Variants in OTOP3 observed in about 807,000 individuals in gnomAD.
OTOP3 encodes proton channel OTOP3.
OTOP3 carries 41 observed loss-of-function variants against 50.8 expected under a neutral mutation model. The ratio of observed to expected loss-of-function variants is 0.81; its 90% CI spans 0.63 to 1.05. The LOEUF (loss-of-function observed/expected upper bound fraction) is 1.05. Ranked by LOEUF, OTOP3 falls within the 50% of genes least tolerant of loss-of-function variation. The pLI is 0.00. For missense variants in OTOP3, 788 were observed against 760.8 expected (o/e 1.04, Z -0.42); for synonymous variants, 320 against 324.4 (o/e 0.99, Z 0.14).
chr17:74,946,788 G>T lies in OTOP3; in HGVS notation c.879G>T (p.Met293Ile). 1.9e-6 allele frequency: 3 copies of T among 1,612,452 alleles called. No homozygotes were observed. Among genetic ancestry groups the T allele is most frequent in the Non-Finnish European group, 2.5e-6 (3 of 1,180,030 alleles). ...TCTGCTGTGCTGTGCTGTTTGTCATGTGGAAGAACGTGGGCCGCCACGTGG... is the reference window on the plus strand; with the variant it reads ...TCTGCTGTGCTGTGCTGTTTGTCATTTGGAAGAACGTGGGCCGCCACGTGG... The part of the protein sequence containing the change: ...CLICCAVLFV[M>I]WKNVGRHVAP... Residue 293 changes from methionine to isoleucine, a missense_variant, in exon 6 of 7, where the codon ATG (methionine) becomes ATT (isoleucine). Physicochemically the swap from Met to Ile is conservative, Grantham distance 10 (BLOSUM62 1). Coordinates refer to ENST00000328801, the MANE Select transcript of OTOP3 (RefSeq NM_001272005.2).
chr17:74,945,774 G>T (rs1332080053), intron 5 of OTOP3, among the ~76,000 whole-genome samples: 1 of 151,994 alleles, frequency 6.6e-6, no homozygotes, highest in Non-Finnish European at 1.5e-5. Context: ...ATCATGTGAG[G>T]GTTCTTGGGG....
intron 3 of OTOP3, among the ~76,000 whole-genome samples, chr17:74,943,010 T>G (rs932879449): frequency 8.5e-5 from 13 of 152,230 alleles, no homozygotes; most frequent in South Asian, 8.3e-4. Context: ...GGCATTGTGT[T>G]GGGTGCTTCG....
At chr17:74,936,975 T>C (rs1345786354) in intron 1 of OTOP3, among the ~76,000 whole-genome samples, 3 of 143,888 alleles carry the variant, frequency 2.1e-5, no homozygotes, top group African/African-American at 7.7e-5. Flanking sequence ...TTTTTTTTTT[T>C]TTTTTGAGAC....
intron 1 of OTOP3, among the ~76,000 whole-genome samples, 169 bp downstream of exon 1, chr17:74,936,109 T>G (rs1224782267): frequency 1.3e-5 from 2 of 152,132 alleles, no homozygotes; most frequent in African/African-American, 4.8e-5. Context: ...GGCCGGCCCC[T>G]CCACCCGCCC....
At chr17:74,936,031 G>C in intron 1 of OTOP3, 91 bp downstream of exon 1, 1 of 1,518,454 alleles carries the variant, frequency 6.6e-7, no homozygotes, top group Non-Finnish European at 8.8e-7. Context: ...GGGTTCACAA[G>C]TAGGGGCTGC....
chr17:74,947,477 T>G lies in OTOP3; in HGVS notation c.1566+2T>G. ...TTCCTCATCCTCTGCAATATCACAG[T>G]AAGTGGCTGGGCTAAGGGGCCTGGA... On this transcript the variant is annotated splice_donor_variant, in intron 6 of 6. Coordinates refer to ENST00000328801, the MANE Select transcript of OTOP3 (RefSeq NM_001272005.2). LOFTEE classifies it high-confidence loss of function. 1.3e-6 allele frequency: 2 copies of G among 1,590,898 alleles called. No individual in the cohort carries two copies. Among genetic ancestry groups the G allele is most frequent in the South Asian group, 2.3e-5 (2 of 88,084 alleles).
Position 74,949,453 on chromosome 17 carries a change from G to T in OTOP3, c.*37G>T. 2 of 1,604,964 alleles carry T rather than the reference G, an allele frequency of 1.2e-6. No individual in the cohort carries two copies. Among genetic ancestry groups the T allele is most frequent in the Non-Finnish European group, 1.7e-6 (2 of 1,175,706 alleles). ...CCCGGCAGAACCTCGAAGTGCCAAGGTGGGGAAGATGGTAGCCCAGAGTCT... is the reference window on the plus strand; with the variant it reads ...CCCGGCAGAACCTCGAAGTGCCAAGTTGGGGAAGATGGTAGCCCAGAGTCT... On this transcript the variant is annotated 3_prime_UTR_variant, in exon 7 of 7. Coordinates refer to ENST00000328801, the MANE Select transcript of OTOP3 (RefSeq NM_001272005.2).
chr17:74,935,933 G>T lies in OTOP3; in HGVS notation c.12G>T (p.Pro4=), dbSNP rs915766874. MPL[P]ASAPAEATPM... ...GTTAGCCCACGGCGATGCCTCTCCC[G>T]GCCTCAGGTAAGCCCGGAGCGCCGG... is the stretch of plus-strand genomic sequence containing the variant. The change falls in exon 1 of 7, where the codon CCG becomes CCT. Residue 4 remains proline (P), a synonymous_variant. Coordinates refer to ENST00000328801, the MANE Select transcript of OTOP3 (RefSeq NM_001272005.2). The T allele has an allele frequency of 1.9e-6, 3 of 1,544,336 alleles. No homozygotes were observed. Among genetic ancestry groups the T allele is most frequent in the South Asian group, 1.2e-5 (1 of 84,062 alleles).
At chr17:74,943,758 A>G in intron 5 of OTOP3, 34 bp downstream of exon 5, 1 of 1,309,418 alleles carries the variant, frequency 7.6e-7, no homozygotes, top group Non-Finnish European at 1.1e-6. Context: ...CCTTGCCCTG[A>G]AACACACACA....
At chr17:74,936,948 T>C (rs940163829) in intron 1 of OTOP3, among the ~76,000 whole-genome samples, 4 of 79,818 alleles carry the variant, frequency 5.0e-5, no homozygotes, top group African/African-American at 1.6e-4. Flanking sequence ...TCGGCATTCA[T>C]CACCCCCCCA....
At chr17:74,944,187 C>G (rs2039204448) in intron 5 of OTOP3, among the ~76,000 whole-genome samples, 1 of 152,170 alleles carries the variant, frequency 6.6e-6, no homozygotes, top group South Asian at 2.1e-4. Context: ...TGCCTCACCT[C>G]CTATCCTAGA....
In OTOP3 at chr17:74,946,780, T is replaced by C; in HGVS notation, c.871T>C (p.Phe291Leu). Residue 291 changes from phenylalanine (F) to leucine (L), a missense_variant, in exon 6 of 7, where the codon TTT (phenylalanine) becomes CTT (leucine). By Grantham distance (22) the Phe-to-Leu change is conservative. Coordinates refer to ENST00000328801, the MANE Select transcript of OTOP3 (RefSeq NM_001272005.2). ...CTGCCTCATCTGCTGTGCTGTGCTG[T>C]TTGTCATGTGGAAGAACGTGGGCCG... is the stretch of plus-strand genomic sequence containing the variant. ...EYCLICCAVLFVMWKNVGRHV... is the reference protein window; with the variant it reads ...EYCLICCAVLLVMWKNVGRHV... The C allele has an allele frequency of 6.2e-7, 1 of 1,612,874 alleles. No individual in the cohort carries two copies. The highest frequency in any genetic ancestry group is 1.1e-5 in the South Asian group (1 of 91,084).
intron 3 of OTOP3, among the ~76,000 whole-genome samples, chr17:74,942,910 A>T (rs1304772063): frequency 2.0e-5 from 3 of 148,352 alleles, no homozygotes; most frequent in African/African-American, 7.5e-5. Context: ...GCGCCACTGC[A>T]CTCCAGCCTG....
chr17:74,941,276 ACC>A, intron 1 of OTOP3, 115 bp from the exon 2 acceptor site: 1 of 855,382 alleles, frequency 1.2e-6, no homozygotes, highest in Non-Finnish European at 1.5e-6. Context: ...CAATGTCCCA[ACC>A]ACCCAACCAG....
rs1167299229 is a variant in OTOP3 at position 74,938,811 on chromosome 17, T to C, written c.20-2582T>C. Among the ~76,000 whole-genome samples, 5 of 152,020 alleles carry C rather than the reference T, an allele frequency of 3.3e-5. No individual in the cohort carries two copies. The South Asian group carries it at 6.2e-4, about 19-fold the overall frequency. On this transcript the variant is annotated intron_variant, in intron 1 of 6. Coordinates refer to ENST00000328801, the MANE Select transcript of OTOP3 (RefSeq NM_001272005.2). ...GACTTTAAGTAGGGGAGAGGCACTC[T>C]GGGCAAGAAGACCAGTCCAAGAGAG...
chr17:74,941,744 G>A lies in OTOP3; in HGVS notation c.371G>A (p.Ser124Asn), dbSNP rs1446537253. ...SLLWLLYYVA[S>N]TTRRPHAVLY... is the part of the protein sequence containing the mutation. ...CTTTGGCTTCTCTACTATGTGGCAAGCACCACCCGCCGACCACACGCCGTG... is the reference window on the plus strand; with the variant it reads ...CTTTGGCTTCTCTACTATGTGGCAAACACCACCCGCCGACCACACGCCGTG... Residue 124 changes from serine (S) to asparagine (N), a missense_variant, in exon 2 of 7, where the codon AGC becomes AAC. Physicochemically the swap from Ser to Asn is conservative, Grantham distance 46 (BLOSUM62 1). Coordinates refer to ENST00000328801, the MANE Select transcript of OTOP3 (RefSeq NM_001272005.2). The A allele has an allele frequency of 6.2e-7, 1 of 1,613,494 alleles. No individual in the cohort carries two copies.
At position 74,941,696 on chromosome 17, in the gene OTOP3, C is replaced by A; in HGVS notation, c.323C>A (p.Ala108Asp). ...CTGGGTGACGTGTGGATCCTGCTGG[C>A]CACGCTGAAGGTCCTCTCCCTGCTT... is the stretch of plus-strand genomic sequence containing the variant. ...VTLGDVWILL[A>D]TLKVLSLLWL... The change falls in exon 2 of 7, where the codon GCC becomes GAC. Residue 108 changes from alanine (A) to aspartate (D), a missense_variant. Physicochemically the swap from Ala to Asp is moderately radical, Grantham distance 126. Coordinates refer to ENST00000328801, the MANE Select transcript of OTOP3 (RefSeq NM_001272005.2). 5.0e-6 allele frequency: 8 copies of A among 1,614,042 alleles called. No individual in the cohort carries two copies. Among genetic ancestry groups the A allele is most frequent in the South Asian group, 1.1e-5 (1 of 91,076 alleles).
chr17:74,941,566 G>T lies in OTOP3; in HGVS notation c.193G>T (p.Ala65Ser). 1.2e-6 allele frequency: 2 copies of T among 1,611,650 alleles called. No individual in the cohort carries two copies. The highest frequency in any genetic ancestry group is 1.3e-5 in the African/African-American group (1 of 75,020). ...TCTGCTGCTGCGGCGGGACCGGCAGGCCCAGAAGGCTGGACAACTCTTCTC... is the reference window on the plus strand; with the variant it reads ...TCTGCTGCTGCGGCGGGACCGGCAGTCCCAGAAGGCTGGACAACTCTTCTC... Reference protein sequence around the residue: ...FSLLLRRDRQAQKAGQLFSGL... With the variant: ...FSLLLRRDRQSQKAGQLFSGL... Residue 65 changes from alanine to serine, a missense_variant, in exon 2 of 7, where the codon GCC (alanine) becomes TCC (serine). Transcript: ENST00000328801.
intron 1 of OTOP3, 58 bp downstream of exon 1, chr17:74,935,998 TACTACCCACCCCCCC>T (rs1351410584): frequency 1.3e-6 from 2 of 1,534,840 alleles, no homozygotes; most frequent in Non-Finnish European, 1.7e-6. Flanking sequence ...CACTGGCACA[TACTACCCACCCCCCC>T]AAAAGGGGGG....
Sources: gnomAD v4.1 joint callset for allele counts (sites outside exome capture counted in the v4.1 genomes callset) on GRCh38, gnomAD v4.1.1 for gene constraint, MANE v1.5 for transcripts, NCBI Gene and HGNC (gene_info 2026-07-23, HGNC 2026-07-21) for gene names.